The following CCDC3 variants were observed in gnomAD, a reference collection of about 807,000 sequenced individuals.
CCDC3 encodes coiled-coil domain-containing protein 3.
Under a neutral mutation model 21.4 loss-of-function variants are expected in CCDC3, and 24 were observed. The ratio of observed to expected loss-of-function variants is 1.12; its 90% CI spans 0.81 to 1.58. The LOEUF is 1.58. Among genes scored for constraint, CCDC3 ranks in the 40% most tolerant of loss-of-function variants. The probability of loss-of-function intolerance (pLI) is 0.00; values close to 1 mark genes in which losing one functional copy is unlikely to be tolerated. For synonymous variants in CCDC3, 186 were observed against 166.0 expected (o/e 1.12, Z -0.93); for missense variants, 425 against 360.9 (o/e 1.18, Z -1.44).
At chr10:13,043,360 A>G (rs1836486176) in intron 5 of CCDC3, among the ~76,000 whole-genome samples, 1 of 152,172 alleles carries the variant, frequency 6.6e-6, no homozygotes, top group African/African-American at 2.4e-5. Flanking sequence ...TGGGAGGCTG[A>G]GGTAGGTGGG....
At chr10:12,934,961 T>C (rs7098752) in intron 2 of CCDC3, among the ~76,000 whole-genome samples, 14,705 of 152,022 alleles carry the variant, frequency 0.097, 753 homozygotes, top group African/African-American at 0.13. Context: ...CTGGAGTCCA[T>C]TGGTGCAATC....
chr10:12,937,547 C>G (rs186842052), intron 2 of CCDC3, among the ~76,000 whole-genome samples: 34 of 152,236 alleles, frequency 2.2e-4, no homozygotes, highest in Admixed American at 2.2e-3. Flanking sequence ...ACTGCAGCCT[C>G]GACCTCCTGG....
chr10:13,087,875 C>T (rs1837131268), intron 3 of CCDC3, among the ~76,000 whole-genome samples: 1 of 152,150 alleles, frequency 6.6e-6, no homozygotes, highest in African/African-American at 2.4e-5. Flanking sequence ...TGTGGTCCTC[C>T]AGACTTTGGA....
At chr10:12,972,937 G>A (rs1000168250) in intron 2 of CCDC3, among the ~76,000 whole-genome samples, 7 of 152,206 alleles carry the variant, frequency 4.6e-5, no homozygotes, top group Non-Finnish European at 7.3e-5. Flanking sequence ...AGACAGGCAC[G>A]GTTTGAATCC....
intron 5 of CCDC3, among the ~76,000 whole-genome samples, chr10:13,020,020 C>T (rs1411825019): frequency 6.6e-6 from 1 of 152,094 alleles, no homozygotes; most frequent in African/African-American, 2.4e-5. Flanking sequence ...AAAATAAATA[C>T]ATAAATATGA....
At chr10:12,957,450 T>C (rs1427299920) in intron 2 of CCDC3, among the ~76,000 whole-genome samples, 2 of 152,210 alleles carry the variant, frequency 1.3e-5, no homozygotes, top group African/African-American at 4.8e-5. Context: ...TTTTCTGATT[T>C]AAAACAAAAT....
intron 5 of CCDC3, among the ~76,000 whole-genome samples, chr10:13,039,509 A>G (rs1836421788): frequency 1.3e-5 from 2 of 152,164 alleles, no homozygotes; most frequent in African/African-American, 4.8e-5. Flanking sequence ...GCTTTGAGTT[A>G]CAAATAAGCA....
intron 2 of CCDC3, among the ~76,000 whole-genome samples, chr10:12,989,050 C>T (rs532520109): frequency 6.6e-6 from 1 of 152,208 alleles, no homozygotes; most frequent in African/African-American, 2.4e-5. Context: ...CCAGATCGAG[C>T]CCCCTCAATC....
intron 5 of CCDC3, among the ~76,000 whole-genome samples, chr10:13,040,121 T>TG (rs1741897395): frequency 6.6e-6 from 1 of 152,142 alleles, no homozygotes; most frequent in African/African-American, 2.4e-5. Flanking sequence ...CCAGGTTGTC[T>TG]GTCCCAGGAA....
chr10:13,041,810 G>T (rs1836460714), intron 5 of CCDC3, among the ~76,000 whole-genome samples: 1 of 150,830 alleles, frequency 6.6e-6, no homozygotes, highest in Non-Finnish European at 1.5e-5. Flanking sequence ...CTTGATGGAG[G>T]CTCCCAGAAG....
At chr10:12,926,166 A>G (rs1834533890) in intron 2 of CCDC3, among the ~76,000 whole-genome samples, 1 of 152,198 alleles carries the variant, frequency 6.6e-6, no homozygotes, top group African/African-American at 2.4e-5. Context: ...CAAAGGATCC[A>G]TGGAGGATGC....
At chr10:12,984,549 CTAGT>C (rs1835558388) in intron 2 of CCDC3, among the ~76,000 whole-genome samples, 2 of 152,150 alleles carry the variant, frequency 1.3e-5, no homozygotes, top group South Asian at 4.2e-4. Flanking sequence ...AATTCCGCTC[CTAGT>C]TAGTTACACA....
At chr10:13,058,655 T>C (rs781166477) in intron 4 of CCDC3, 8 of 528,828 alleles carry the variant, frequency 1.5e-5, no homozygotes, top group Non-Finnish European at 2.7e-5. Context: ...GCCTTATTTT[T>C]AACAACTTTA....
chr10:13,093,453 A>G (rs1832599875), intron 3 of CCDC3, among the ~76,000 whole-genome samples: 3 of 152,338 alleles, frequency 2.0e-5, no homozygotes, highest in Admixed American at 2.0e-4. Flanking sequence ...TTGGGTGGGG[A>G]CACAGCCAAA....
At chr10:13,051,596 C>T (rs1836608366) in intron 4 of CCDC3, among the ~76,000 whole-genome samples, 1 of 152,186 alleles carries the variant, frequency 6.6e-6, no homozygotes, top group Non-Finnish European at 1.5e-5. Context: ...CAGAGTCACA[C>T]TGTCCCCGGG....
rs150384090 is a variant in CCDC3, at chr10:12,964,286, C to T, written c.549+34052G>A. 3.6e-3 allele frequency among the ~76,000 whole-genome samples: 553 copies of T among 151,976 alleles called. 1 individual carries two copies. The highest frequency in any genetic ancestry group is 0.012 in the African/African-American group (518 of 41,456). On this transcript the variant is annotated intron_variant, in intron 2 of 2. Coordinates refer to ENST00000378825, the MANE Select transcript of CCDC3 (RefSeq NM_031455.4). ...ACTCAGGAGGCTGAGGCAGGAGAAT[C>T]GCTTGAACCCGGGAGGCAGAGGTTG... is the stretch of plus-strand genomic sequence containing the variant.
At chr10:12,927,635 C>T (rs34752283) in intron 2 of CCDC3, among the ~76,000 whole-genome samples, 3,884 of 152,062 alleles carry the variant, frequency 0.026, 67 homozygotes, top group Non-Finnish European at 0.04. Context: ...ATGATAATGA[C>T]CAATATGAAA....
intron 2 of CCDC3, among the ~76,000 whole-genome samples, chr10:12,970,421 T>C (rs953242733): frequency 6.6e-6 from 1 of 151,942 alleles, no homozygotes; most frequent in Non-Finnish European, 1.5e-5. Context: ...TATTGGAAAA[T>C]TGCTAAAAGA....
chr10:12,982,808 A>C lies in CCDC3; in HGVS notation c.549+15530T>G, dbSNP rs199518802. ...ACTCTGTCTCAAAAAAAAAAAAAAA[A>C]AAAAAAAAAAACCATACCTCTATGC... On this transcript the variant is annotated intron_variant, in intron 2 of 2. Coordinates refer to ENST00000378825, the MANE Select transcript of CCDC3 (RefSeq NM_031455.4). 2.5e-3 allele frequency among the ~76,000 whole-genome samples: 369 copies of C among 149,506 alleles called. 14 individuals are homozygous for C. In the East Asian group the frequency reaches 0.043, roughly 17 times the overall value.
Sources: gnomAD v4.1 joint callset for allele counts (sites outside exome capture counted in the v4.1 genomes callset) on GRCh38, gnomAD v4.1.1 for gene constraint, MANE v1.5 for transcripts, NCBI Gene and HGNC (gene_info 2026-07-23, HGNC 2026-07-21) for gene names.